LINGO2: variants seen among roughly 807,000 people sequenced by gnomAD.
The protein encoded by LINGO2 is leucine-rich repeat and immunoglobulin-like domain-containing nogo receptor-interacting protein 2.
In LINGO2, 14 loss-of-function variants were observed where a neutral mutation model predicts 30.6. The observed-to-expected ratio is 0.46, with a 90% CI of 0.30 to 0.72. The LOEUF (loss-of-function observed/expected upper bound fraction) is 0.72. LINGO2 is among the 30% of genes least tolerant of loss of function. The probability of loss-of-function intolerance (pLI) is 0.07; values close to 1 mark genes in which losing one functional copy is unlikely to be tolerated. For synonymous variants in LINGO2, 317 were observed against 288.5 expected (o/e 1.10, Z -1.00); for missense variants, 729 against 751.7 (o/e 0.97, Z 0.35).
intron 4 of LINGO2, among the ~76,000 whole-genome samples, chr9:28,223,054 G>C (rs2133903383): frequency 6.6e-6 from 1 of 152,280 alleles, no homozygotes; most frequent in Middle Eastern, 3.4e-3. Flanking sequence ...ATAAACTGAG[G>C]CCTGAGAGCC....
At chr9:28,478,059 G>A (rs1331549786) in intron 1 of LINGO2, among the ~76,000 whole-genome samples, 2 of 152,096 alleles carry the variant, frequency 1.3e-5, no homozygotes, top group Non-Finnish European at 2.9e-5. Flanking sequence ...CTCAAAGAGA[G>A]TCTTTCCTTC....
intron 4 of LINGO2, among the ~76,000 whole-genome samples, chr9:28,172,163 G>C (rs1001376257): frequency 1.3e-5 from 2 of 150,122 alleles, no homozygotes; most frequent in African/African-American, 2.4e-5. Context: ...AGGCCGAGGC[G>C]GGCGGATCAC....
chr9:28,438,900 T>C (rs1437962163), intron 2 of LINGO2, among the ~76,000 whole-genome samples: 3 of 116,120 alleles, frequency 2.6e-5, no homozygotes, highest in Admixed American at 2.1e-4. Flanking sequence ...TATATATTTA[T>C]ACATTATATA....
chr9:28,013,413 G>C (rs558268021), intron 4 of LINGO2, among the ~76,000 whole-genome samples: 2 of 152,304 alleles, frequency 1.3e-5, no homozygotes, highest in East Asian at 3.9e-4. Context: ...TGTACTCAGG[G>C]AAAAATCTCG....
chr9:28,155,802 C>T (rs1448979469), intron 4 of LINGO2, among the ~76,000 whole-genome samples: 1 of 152,094 alleles, frequency 6.6e-6, no homozygotes, highest in Non-Finnish European at 1.5e-5. Context: ...GAATGGGATT[C>T]CTTTCATTAT....
intron 4 of LINGO2, among the ~76,000 whole-genome samples, chr9:28,100,180 T>C (rs1236029995): frequency 2.0e-5 from 3 of 152,180 alleles, no homozygotes; most frequent in Admixed American, 2.0e-4. Flanking sequence ...ATATTGGAAG[T>C]TCAAAATTAT....
the LINGO2 span, among the ~76,000 whole-genome samples, chr9:29,097,519 T>C: frequency 1.4e-5 from 2 of 138,852 alleles, 1 homozygote; most frequent in Non-Finnish European, 3.1e-5. Context: ...CAAAATGCTA[T>C]AGGTATTACC....
intron 5 of LINGO2, among the ~76,000 whole-genome samples, chr9:27,995,151 A>G (rs1488602914): frequency 6.6e-6 from 1 of 152,170 alleles, no homozygotes; most frequent in African/African-American, 2.4e-5. Context: ...AGAAATGGAT[A>G]AATTCTTAAA....
the LINGO2 span, chr9:27,943,035 A>G: frequency 6.6e-6 from 1 of 152,208 alleles, no homozygotes; most frequent in African/African-American, 2.4e-5. Context: ...ATGTATATAC[A>G]TCATTTTGCT....
At chr9:28,132,364 A>G (rs1827401507) in intron 4 of LINGO2, among the ~76,000 whole-genome samples, 1 of 151,968 alleles carries the variant, frequency 6.6e-6, no homozygotes, top group African/African-American at 2.4e-5. Context: ...TAATGTCTAG[A>G]TAAAAACCTT....
At chr9:28,625,018 C>G (rs1457120811) in intron 1 of LINGO2, among the ~76,000 whole-genome samples, 1 of 152,072 alleles carries the variant, frequency 6.6e-6, no homozygotes, top group South Asian at 2.1e-4. Flanking sequence ...TCCTAGTCCC[C>G]TGGCTCGAAG....
chr9:28,149,884 G>A (rs1587089158), intron 4 of LINGO2, among the ~76,000 whole-genome samples: 1 of 150,338 alleles, frequency 6.7e-6, no homozygotes, highest in South Asian at 2.1e-4. Context: ...GCCCTGTCTG[G>A]GAAGTAAGGA....
chr9:28,355,261 G>GTCTCTCTC (rs113486172), intron 3 of LINGO2, among the ~76,000 whole-genome samples: 1 of 136,800 alleles, frequency 7.3e-6, no homozygotes, highest in Non-Finnish European at 1.6e-5. Flanking sequence ...CTCTGTCTCT[G>GTCTCTCTC]TCTCTCTCTC....
intron 4 of LINGO2, among the ~76,000 whole-genome samples, chr9:28,091,242 A>C (rs1826075059): frequency 6.6e-6 from 1 of 152,356 alleles, no homozygotes; most frequent in East Asian, 1.9e-4. Flanking sequence ...ACCAAAAAAG[A>C]GCCTGCATTG....
the LINGO2 span, among the ~76,000 whole-genome samples, chr9:28,777,871 C>CT: frequency 6.6e-6 from 1 of 152,122 alleles, no homozygotes; most frequent in Non-Finnish European, 1.5e-5. Flanking sequence ...GTATTAAATC[C>CT]TTTTTTATTT....
intron 1 of LINGO2, among the ~76,000 whole-genome samples, chr9:28,570,513 T>TA (rs1823634409): frequency 6.6e-6 from 1 of 151,872 alleles, no homozygotes; most frequent in African/African-American, 2.4e-5. Flanking sequence ...TTTGGTATTT[T>TA]AAATTTTCTT....
intron 1 of LINGO2, among the ~76,000 whole-genome samples, chr9:28,591,592 C>A (rs545003593): frequency 4.6e-5 from 7 of 152,078 alleles, no homozygotes; most frequent in Admixed American, 4.6e-4. Flanking sequence ...TTATGCAACT[C>A]TTCTTGTGTG....
At position 28,044,809 on chromosome 9, in the gene LINGO2, CAG is replaced by C. The variant is rs563488123; in HGVS notation, c.-86-32406_-86-32405del. Among the ~76,000 whole-genome samples the C allele has an allele frequency of 1.7e-3, 264 of 152,162 alleles. 3 individuals carry two copies. Among genetic ancestry groups the C allele is most frequent in the African/African-American group, 5.5e-3 (229 of 41,520 alleles). On this transcript the variant is annotated intron_variant, in intron 4 of 5. Coordinates refer to ENST00000379992, the Ensembl canonical transcript of LINGO2. Reference sequence around the variant, plus strand: ...CTCTCAGGCATATGTTATAAGGAATCAGAGACTTTTCCGTAGGTTGAAGAGAA... The same window carrying C: ...CTCTCAGGCATATGTTATAAGGAATCAGACTTTTCCGTAGGTTGAAGAGAA...
intron 1 of LINGO2, among the ~76,000 whole-genome samples, chr9:28,650,227 T>A (rs758655450): frequency 6.6e-6 from 1 of 152,136 alleles, no homozygotes; most frequent in South Asian, 2.1e-4. Flanking sequence ...TTGTTCCAAA[T>A]TGACATGCCT....
Sources: allele counts gnomAD v4.1 joint callset (sites outside exome capture counted in the v4.1 genomes callset), GRCh38; gene constraint gnomAD v4.1.1; transcripts MANE v1.5; gene names NCBI Gene and HGNC (gene_info 2026-07-23, HGNC 2026-07-21).